GSK3B: variants seen among roughly 807,000 people sequenced by gnomAD.
GSK3B encodes the protein glycogen synthase kinase-3 beta.
In GSK3B, 15 loss-of-function variants were observed where a neutral mutation model predicts 56.4. The ratio of observed to expected loss-of-function variants is 0.27; its 90% confidence interval spans 0.18 to 0.41. The LOEUF is 0.41. GSK3B is among the 10% of genes least tolerant of loss of function. GSK3B has a pLI of 1.00. For missense variants in GSK3B, 300 were observed against 513.4 expected (o/e 0.58, Z 4.02); for synonymous variants, 181 against 188.9 (o/e 0.96, Z 0.34).
chr3:119,894,763 A>C (rs960034036), intron 7 of GSK3B, among the ~76,000 whole-genome samples: 1 of 151,938 alleles, frequency 6.6e-6, no homozygotes, highest in Admixed American at 6.6e-5. Flanking sequence ...ATTTACTTCT[A>C]TTTTCTTTTA....
Position 119,822,942 on chromosome 3 carries a change from A to G in GSK3B, c.*3846T>C, listed in dbSNP as rs2055436429. 8.7e-6 allele frequency: 2 copies of G among 229,120 alleles called. No individual in the cohort carries two copies. The highest frequency in any genetic ancestry group is 1.7e-5 in the Non-Finnish European group (2 of 115,524). The allele number at this position is 229,120 out of a possible 1,614,324, so 14.2% of individuals were successfully genotyped here. A position where few individuals can be genotyped will look rare whatever the true frequency, so the allele number is the denominator to read the frequency against. On this transcript the variant is annotated 3_prime_UTR_variant, in exon 11 of 11. Transcript: ENST00000264235. The stretch of plus-strand genomic sequence containing the variant: ...CCAGTGTCTTCATATCCACAGGGAT[A>G]GAGAATACTCCTCTCAGAAACCTTT...
At chr3:119,852,158 G>T (rs2055938851) in intron 9 of GSK3B, among the ~76,000 whole-genome samples, 1 of 152,142 alleles carries the variant, frequency 6.6e-6, no homozygotes, top group Non-Finnish European at 1.5e-5. Flanking sequence ...TTCATGTGAG[G>T]ACTATATAAT....
intron 7 of GSK3B, among the ~76,000 whole-genome samples, chr3:119,902,997 G>T (rs889835073): frequency 1.3e-5 from 2 of 152,166 alleles, no homozygotes; most frequent in Non-Finnish European, 2.9e-5. Flanking sequence ...TTACAGGCGT[G>T]AACTACGGCC....
chr3:119,886,505 C>T (rs1418292535), intron 7 of GSK3B, among the ~76,000 whole-genome samples: 1 of 151,862 alleles, frequency 6.6e-6, no homozygotes, highest in East Asian at 1.9e-4. Context: ...ACTTGCTTGA[C>T]CCAGCAATGC....
chr3:119,926,440 CTCA>C (rs2056890258), intron 3 of GSK3B, among the ~76,000 whole-genome samples: 1 of 152,082 alleles, frequency 6.6e-6, no homozygotes, highest in African/African-American at 2.4e-5. Flanking sequence ...GATCCAACCA[CTCA>C]TCATCTTCAC....
At chr3:120,034,655 T>C (rs2058007297) in intron 1 of GSK3B, among the ~76,000 whole-genome samples, 2 of 152,244 alleles carry the variant, frequency 1.3e-5, no homozygotes, top group African/African-American at 4.8e-5. Flanking sequence ...AACTTTATTC[T>C]TTATTTTTCA....
rs145852325 is a variant in GSK3B, at chr3:120,033,978, T to C, written c.89-31739A>G. Among the ~76,000 whole-genome samples, 11 of 152,328 alleles carry C rather than the reference T, an allele frequency of 7.2e-5. No individual in the cohort carries two copies. In the East Asian group the frequency reaches 1.2e-3, roughly 16 times the overall value. On this transcript the variant is annotated intron_variant, in intron 1 of 10. Coordinates refer to ENST00000264235, the MANE Select transcript of GSK3B (RefSeq NM_001146156.2). ...GTAGTTCTGTATAGCAGTATAAGAA[T>C]AGACTAATACATGCACTTATCAACC...
chr3:120,083,942 G>C (rs1015073931), intron 1 of GSK3B, among the ~76,000 whole-genome samples: 2 of 152,182 alleles, frequency 1.3e-5, no homozygotes, highest in African/African-American at 4.8e-5. Context: ...TAAAGACAGA[G>C]AGTAAATTAG....
chr3:119,952,788 G>C (rs2057171037), intron 2 of GSK3B, among the ~76,000 whole-genome samples: 3 of 151,858 alleles, frequency 2.0e-5, no homozygotes, highest in Non-Finnish European at 2.9e-5. Flanking sequence ...AGCAAGAAAG[G>C]AAGAATAAAG....
At chr3:119,988,714 A>G (rs1211876307) in intron 2 of GSK3B, among the ~76,000 whole-genome samples, 1 of 152,190 alleles carries the variant, frequency 6.6e-6, no homozygotes, top group Non-Finnish European at 1.5e-5. Context: ...TAGATATTTG[A>G]TAGTACAAAT....
intron 2 of GSK3B, among the ~76,000 whole-genome samples, chr3:119,967,328 G>A (rs527311545): frequency 8.5e-5 from 13 of 152,146 alleles, no homozygotes; most frequent in Middle Eastern, 3.4e-3. Flanking sequence ...TGTCCGCCTC[G>A]GCCTCCCAAG....
chr3:120,068,866 T>G (rs1399178657), intron 1 of GSK3B, among the ~76,000 whole-genome samples: 2 of 151,766 alleles, frequency 1.3e-5, no homozygotes, highest in Non-Finnish European at 2.9e-5. Context: ...TTCTTAATAA[T>G]TTAAAAGTGA....
intron 6 of GSK3B, among the ~76,000 whole-genome samples, chr3:119,907,806 T>C (rs1286413301): frequency 1.3e-5 from 2 of 152,162 alleles, no homozygotes; most frequent in East Asian, 3.8e-4. Context: ...ATAGTAGAGC[T>C]AGGCCTGGAA....
chr3:119,842,546 T>G (rs1450045278), intron 10 of GSK3B, among the ~76,000 whole-genome samples: 2 of 152,212 alleles, frequency 1.3e-5, no homozygotes, highest in Admixed American at 1.3e-4. Context: ...CATATTTATA[T>G]GTTTTCAGCT....
At chr3:119,981,697 G>T (rs758855569) in intron 2 of GSK3B, among the ~76,000 whole-genome samples, 21 of 152,348 alleles carry the variant, frequency 1.4e-4, no homozygotes, top group Middle Eastern at 6.8e-3. Flanking sequence ...CGGGAAGCTC[G>T]AACTGGGCAG....
chr3:119,957,951 T>C (rs1259485592), intron 2 of GSK3B, among the ~76,000 whole-genome samples: 1 of 152,182 alleles, frequency 6.6e-6, no homozygotes, highest in Non-Finnish European at 1.5e-5. Flanking sequence ...ATAAAGATAC[T>C]GATACGGTTT....
intron 3 of GSK3B, among the ~76,000 whole-genome samples, chr3:119,936,204 AGCATTTATCT>A (rs1363303347): frequency 1.3e-5 from 2 of 151,760 alleles, no homozygotes; most frequent in East Asian, 3.8e-4. Flanking sequence ...TCTTCTAGTA[AGCATTTATCT>A]GCATTTATCT....
chr3:120,070,850 A>C (rs1038845053), intron 1 of GSK3B, among the ~76,000 whole-genome samples: 1 of 152,214 alleles, frequency 6.6e-6, no homozygotes, highest in Non-Finnish European at 1.5e-5. Context: ...AAAGGGCAAA[A>C]ACTTAGGAAT....
chr3:119,872,252 T>C (rs1342594804), intron 8 of GSK3B, among the ~76,000 whole-genome samples: 7 of 152,076 alleles, frequency 4.6e-5, no homozygotes, highest in Non-Finnish European at 8.8e-5. Flanking sequence ...TCAAGAAGGT[T>C]GGGAATAGGA....
Sources: gnomAD v4.1 joint callset for allele counts (sites outside exome capture counted in the v4.1 genomes callset) on GRCh38, gnomAD v4.1.1 for gene constraint, MANE v1.5 for transcripts, NCBI Gene and HGNC (gene_info 2026-07-23, HGNC 2026-07-21) for gene names.